RIC1: variants seen among roughly 807,000 people sequenced by gnomAD.
The protein encoded by RIC1 is guanine nucleotide exchange factor subunit RIC1.
A neutral mutation model predicts 169.0 loss-of-function variants in RIC1; 88 were observed. The observed-to-expected ratio is 0.52, with a 90% CI of 0.44 to 0.62. The LOEUF is 0.62. Among genes scored for constraint, RIC1 ranks in the 20% least tolerant of loss-of-function variants. The pLI, the probability that RIC1 is intolerant of heterozygous loss-of-function variation, is 0.00. For synonymous variants in RIC1, 790 were observed against 601.5 expected, an observed-to-expected ratio of 1.31 and a Z score of -4.59; for missense variants, 1,877 against 1,725.5, an observed-to-expected ratio of 1.09 and a Z score of -1.56.
chr9:5,647,237 C>T (rs1818562994), intron 1 of RIC1, among the ~76,000 whole-genome samples: 1 of 152,108 alleles, frequency 6.6e-6, no homozygotes, highest in African/African-American at 2.4e-5. Flanking sequence ...GTTTTGATGT[C>T]AGGAAATGTG....
Position 5,774,103 on chromosome 9 carries a change from A to C in RIC1, c.4129A>C (p.Ser1377Arg). ...PEQTSPRAEE[S>R]RGSSSHGSIP... ...ACAGACTAGCCCCCGGGCAGAGGAG[A>C]GCAGGGGCTCCTCCAGCCATGGAAG... Residue 1377 changes from serine (S) to arginine (R), a missense_variant, in exon 26 of 26, where the codon AGC becomes CGC. Ser to Arg is a moderately radical substitution (Grantham distance 110, BLOSUM62 -1). Transcript: ENST00000414202. 6.2e-7 allele frequency: 1 copy of C among 1,614,086 alleles called. No individual in the cohort carries two copies. The highest frequency in any genetic ancestry group is 8.5e-7 in the Non-Finnish European group (1 of 1,180,008).
At chr9:5,729,213 G>A (rs1379906246) in intron 6 of RIC1, among the ~76,000 whole-genome samples, 1 of 152,192 alleles carries the variant, frequency 6.6e-6, no homozygotes, top group Non-Finnish European at 1.5e-5. Context: ...TAGGCCTCTG[G>A]TGGAGGTGGT....
intron 10 of RIC1, among the ~76,000 whole-genome samples, chr9:5,744,851 T>G (rs1036469882): frequency 2.0e-5 from 3 of 152,190 alleles, no homozygotes; most frequent in Non-Finnish European, 2.9e-5. Context: ...AAGTTTTTCT[T>G]GCTATAGCCC....
At position 5,770,370 on chromosome 9, in the gene RIC1, A is replaced by G. The variant is rs140781429; in HGVS notation, c.3616+92A>G. ...AGAGATAGACCTTCATTCTTTTTCT[A>G]TCGTGATGGAGGATTAACCATTTGT... On this transcript the variant is annotated intron_variant, in intron 23 of 25. Transcript: ENST00000414202. The G allele has an allele frequency of 6.3e-5, 71 of 1,123,230 alleles. No individual in the cohort carries two copies. In the Middle Eastern group the frequency reaches 7.3e-4, roughly 12 times the overall value. The allele number at this position is 1,123,230 out of a possible 1,614,324, so 69.6% of individuals were successfully genotyped here. A position where few individuals can be genotyped will look rare whatever the true frequency, so the allele number is the denominator to read the frequency against.
intron 6 of RIC1, among the ~76,000 whole-genome samples, chr9:5,725,578 A>T (rs1316868167): frequency 6.6e-6 from 1 of 151,784 alleles, no homozygotes; most frequent in African/African-American, 2.4e-5. Flanking sequence ...CTCTGATCTT[A>T]GTTATTTCTT....
rs184137270 is a variant in RIC1 at position 5,704,345 on chromosome 9, G to C, written c.333-9551G>C. On this transcript the variant is annotated intron_variant, in intron 3 of 25. Coordinates refer to ENST00000414202, the MANE Select transcript of RIC1 (RefSeq NM_020829.4). ...CTCACCTCAGTCACCAGAGTAGCTG[G>C]GACTACAGGCATGCACCACCACACC... Among the ~76,000 whole-genome samples, 113 of 151,872 alleles carry C rather than the reference G, an allele frequency of 7.4e-4. No homozygotes were observed. In the Middle Eastern group the frequency reaches 0.014, roughly 18 times the overall value.
chr9:5,722,701 C>A (rs1393124822), intron 6 of RIC1, among the ~76,000 whole-genome samples: 1 of 151,676 alleles, frequency 6.6e-6, no homozygotes, highest in Non-Finnish European at 1.5e-5. Flanking sequence ...TGCTATCCCT[C>A]CCCCCCTCGC....
intron 6 of RIC1, among the ~76,000 whole-genome samples, chr9:5,727,938 G>T (rs1028859284): frequency 3.3e-5 from 5 of 152,204 alleles, no homozygotes; most frequent in Non-Finnish European, 5.9e-5. Context: ...CTGGATTGAG[G>T]TGTCAGTTGG....
At chr9:5,767,145 A>T (rs983904209) in intron 21 of RIC1, among the ~76,000 whole-genome samples, 1 of 152,236 alleles carries the variant, frequency 6.6e-6, no homozygotes. Context: ...AGGTAATCCA[A>T]AAGCCTTCTT....
At chr9:5,691,760 AT>A (rs887770794) in intron 3 of RIC1, among the ~76,000 whole-genome samples, 3 of 152,152 alleles carry the variant, frequency 2.0e-5, no homozygotes, top group African/African-American at 7.2e-5. Context: ...GTTCCTATAA[AT>A]AAAAAGCAGT....
At chr9:5,645,502 C>G (rs563158618) in intron 1 of RIC1, among the ~76,000 whole-genome samples, 1 of 152,290 alleles carries the variant, frequency 6.6e-6, no homozygotes, top group South Asian at 2.1e-4. Flanking sequence ...CCAGAACTTT[C>G]ATTTTCATTT....
At chr9:5,678,417 C>T (rs1348884165) in intron 2 of RIC1, among the ~76,000 whole-genome samples, 3 of 151,694 alleles carry the variant, frequency 2.0e-5, no homozygotes, top group African/African-American at 2.4e-5. Context: ...CCTGAGGAAT[C>T]GCCACACTGA....
chr9:5,645,047 A>T (rs902668098), intron 1 of RIC1, among the ~76,000 whole-genome samples: 3 of 152,196 alleles, frequency 2.0e-5, no homozygotes, highest in East Asian at 1.9e-4. Flanking sequence ...CTTATTAGCC[A>T]TTTCGCTATA....
At chr9:5,742,333 C>T (rs1291612463) in intron 8 of RIC1, among the ~76,000 whole-genome samples, 5 of 152,104 alleles carry the variant, frequency 3.3e-5, no homozygotes, top group African/African-American at 1.2e-4. Context: ...GGAACAAGCA[C>T]TTTGTCTCAG....
chr9:5,630,528 C>T (rs917125809), intron 1 of RIC1, among the ~76,000 whole-genome samples: 1 of 152,144 alleles, frequency 6.6e-6, no homozygotes, highest in African/African-American at 2.4e-5. Flanking sequence ...CTTGACAGTC[C>T]TCACCCACTT....
intron 2 of RIC1, among the ~76,000 whole-genome samples, chr9:5,676,594 T>G (rs529067195): frequency 1.3e-5 from 2 of 152,330 alleles, no homozygotes; most frequent in South Asian, 2.1e-4. Context: ...AAGCTCTATT[T>G]CTGCATCATT....
chr9:5,749,998 C>G (rs1166338359), intron 12 of RIC1, among the ~76,000 whole-genome samples: 2 of 151,862 alleles, frequency 1.3e-5, no homozygotes, highest in South Asian at 2.1e-4. Flanking sequence ...AGGCTGGTCT[C>G]AAACTCCTGA....
chr9:5,745,507 T>G (rs1040637342), intron 10 of RIC1, among the ~76,000 whole-genome samples: 7 of 152,152 alleles, frequency 4.6e-5, no homozygotes, highest in Non-Finnish European at 1.0e-4. Flanking sequence ...CAATCCAATG[T>G]TTTTTGCTCC....
intron 3 of RIC1, among the ~76,000 whole-genome samples, chr9:5,705,200 T>TG (rs1418227567): frequency 2.0e-5 from 3 of 151,154 alleles, no homozygotes; most frequent in Non-Finnish European, 4.4e-5. Context: ...CTGTTTTTTT[T>TG]TTTTTTTTTT....
Sources: allele counts gnomAD v4.1 joint callset (sites outside exome capture counted in the v4.1 genomes callset), GRCh38; gene constraint gnomAD v4.1.1; transcripts MANE v1.5; gene names NCBI Gene and HGNC (gene_info 2026-07-23, HGNC 2026-07-21).